CLSTN2: variants seen among roughly 807,000 people sequenced by gnomAD.
The protein encoded by CLSTN2 is calsyntenin 2.
Under a neutral mutation model 101.2 loss-of-function variants are expected in CLSTN2, and 48 were observed. The ratio of observed to expected loss-of-function variants is 0.47; its 90% CI spans 0.38 to 0.60. The LOEUF (loss-of-function observed/expected upper bound fraction) is 0.60. Ranked by LOEUF, CLSTN2 falls within the 20% of genes least tolerant of loss-of-function variation. The probability of loss-of-function intolerance (pLI) is 0.00; values close to 1 mark genes in which losing one functional copy is unlikely to be tolerated. For synonymous variants in CLSTN2, 481 were observed against 463.6 expected (o/e 1.04, Z -0.48); for missense variants, 1,160 against 1,238.2 (o/e 0.94, Z 0.95).
chr3:140,103,400 G>A (rs2009000478), intron 1 of CLSTN2, among the ~76,000 whole-genome samples: 1 of 152,170 alleles, frequency 6.6e-6, no homozygotes, highest in Non-Finnish European at 1.5e-5. Context: ...GAGGAGACAG[G>A]AAGCATTTTT....
At chr3:140,112,365 G>T (rs2350495) in intron 1 of CLSTN2, among the ~76,000 whole-genome samples, 34 of 73,102 alleles carry the variant, frequency 4.7e-4, no homozygotes, top group South Asian at 9.6e-4. Context: ...GTGTGTGTGT[G>T]TGTGTTTTTT....
chr3:140,366,848 A>T (rs1372240283), intron 2 of CLSTN2, among the ~76,000 whole-genome samples: 2 of 152,176 alleles, frequency 1.3e-5, no homozygotes, highest in African/African-American at 4.8e-5. Context: ...GCAACTAGGA[A>T]ATGTTGAAGA....
At chr3:140,549,326 G>A (rs922510743) in intron 10 of CLSTN2, among the ~76,000 whole-genome samples, 3 of 151,148 alleles carry the variant, frequency 2.0e-5, no homozygotes, top group Non-Finnish European at 2.9e-5. Context: ...CCTATGAAAA[G>A]AGGAGGTGCT....
At chr3:140,101,999 T>C (rs1172183130) in intron 1 of CLSTN2, among the ~76,000 whole-genome samples, 1 of 152,240 alleles carries the variant, frequency 6.6e-6, no homozygotes, top group Non-Finnish European at 1.5e-5. Context: ...AAGTCTTAAA[T>C]ATCTAGTGTC....
intron 6 of CLSTN2, 117 bp from the exon 7 acceptor site, chr3:140,459,404 T>G: frequency 8.6e-7 from 1 of 1,163,248 alleles, no homozygotes; most frequent in South Asian, 1.4e-5. Flanking sequence ...TAGCTCATGG[T>G]TAGGCACAGA....
chr3:140,238,505 T>TAG (rs1293329475), intron 2 of CLSTN2, among the ~76,000 whole-genome samples: 1 of 152,244 alleles, frequency 6.6e-6, no homozygotes, highest in Admixed American at 6.5e-5. Context: ...GTCTGAACCC[T>TAG]ATCCATTTTT....
Position 140,540,508 on chromosome 3 carries a change from A to G in CLSTN2, c.1508-6007A>G, listed in dbSNP as rs575214526. On this transcript the variant is annotated intron_variant, in intron 9 of 16. Coordinates refer to ENST00000458420, the MANE Select transcript of CLSTN2 (RefSeq NM_022131.3). ...ATCACTGAAATGAGGAAATGAGAGA[A>G]AGCGAGATTTCAGATGGTCTCGTTA... is the stretch of plus-strand genomic sequence containing the variant. Among the ~76,000 whole-genome samples, 6 of 152,342 alleles carry G rather than the reference A, an allele frequency of 3.9e-5. No individual in the cohort carries two copies. In the South Asian group the frequency reaches 1.2e-3, roughly 32 times the overall value.
At chr3:140,461,328 G>A (rs552575470) in intron 7 of CLSTN2, 1 of 152,282 alleles carries the variant, frequency 6.6e-6, no homozygotes, top group South Asian at 2.1e-4. Flanking sequence ...AGTGCCCTGT[G>A]AGGTATTCCC....
chr3:140,547,677 G>A (rs1209694708), intron 10 of CLSTN2, among the ~76,000 whole-genome samples: 1 of 152,126 alleles, frequency 6.6e-6, no homozygotes, highest in East Asian at 1.9e-4. Context: ...GGCCTCAGCA[G>A]GCACCCCAAC....
At position 140,571,481 on chromosome 3, in the gene CLSTN2, G is replaced by A. The variant is rs1985547218; in HGVS notation, c.*5228G>A. 6.6e-6 allele frequency: 1 copy of A among 152,222 alleles called. No individual in the cohort carries two copies. Among genetic ancestry groups the A allele is most frequent in the Non-Finnish European group, 1.5e-5 (1 of 68,034 alleles). The allele number at this position is 152,222 out of a possible 1,614,324, so 9.4% of individuals were successfully genotyped here. A position where few individuals can be genotyped will look rare whatever the true frequency, so the allele number is the denominator to read the frequency against. ...GTAGATGATTTTTAGGTAAGATAAC[G>A]TTTAGGCCTCTGGGGGATCCCCAAA... On this transcript the variant is annotated 3_prime_UTR_variant, in exon 17 of 17. Coordinates refer to ENST00000458420, the MANE Select transcript of CLSTN2 (RefSeq NM_022131.3).
At chr3:140,088,139 A>G (rs2008710611) in intron 1 of CLSTN2, among the ~76,000 whole-genome samples, 1 of 152,200 alleles carries the variant, frequency 6.6e-6, no homozygotes, top group Non-Finnish European at 1.5e-5. Context: ...CCCCCCTAAG[A>G]AAACCAGATG....
At chr3:140,201,731 A>T (rs1008020715) in intron 2 of CLSTN2, among the ~76,000 whole-genome samples, 4 of 152,176 alleles carry the variant, frequency 2.6e-5, no homozygotes, top group African/African-American at 9.7e-5. Flanking sequence ...TGAAGCTTAC[A>T]TCACAGCTGA....
chr3:140,434,446 G>A (rs541771226), intron 5 of CLSTN2, among the ~76,000 whole-genome samples: 36 of 152,222 alleles, frequency 2.4e-4, no homozygotes, highest in Non-Finnish European at 4.4e-4. Flanking sequence ...ATGAGCTGGA[G>A]CGGTGGTGAG....
chr3:140,017,888 C>G (rs1215040853), intron 1 of CLSTN2, among the ~76,000 whole-genome samples: 1 of 152,228 alleles, frequency 6.6e-6, no homozygotes, highest in Non-Finnish European at 1.5e-5. Flanking sequence ...GCTTTATTGT[C>G]TCATCCTGAA....
intron 1 of CLSTN2, among the ~76,000 whole-genome samples, chr3:140,092,816 A>G (rs1452131689): frequency 6.6e-6 from 1 of 151,730 alleles, no homozygotes; most frequent in Non-Finnish European, 1.5e-5. Flanking sequence ...AAGCTCCTCC[A>G]CTCCTTCCCT....
At chr3:140,117,430 A>T (rs2009263556) in intron 1 of CLSTN2, among the ~76,000 whole-genome samples, 1 of 152,164 alleles carries the variant, frequency 6.6e-6, no homozygotes. Flanking sequence ...CAGAGCTAAC[A>T]GTACCTCCCA....
At chr3:140,384,740 C>G (rs2088031961) in intron 2 of CLSTN2, among the ~76,000 whole-genome samples, 1 of 152,194 alleles carries the variant, frequency 6.6e-6, no homozygotes, top group African/African-American at 2.4e-5. Context: ...CCATATACTC[C>G]TGTAGTATTG....
intron 2 of CLSTN2, among the ~76,000 whole-genome samples, chr3:140,352,277 A>G (rs2087617017): frequency 6.6e-6 from 1 of 152,228 alleles, no homozygotes; most frequent in South Asian, 2.1e-4. Flanking sequence ...CGAATCCACA[A>G]ACATTTGTTG....
intron 2 of CLSTN2, among the ~76,000 whole-genome samples, chr3:140,199,382 C>T (rs549640833): frequency 6.6e-6 from 1 of 152,154 alleles, no homozygotes; most frequent in Non-Finnish European, 1.5e-5. Flanking sequence ...TAAACACATT[C>T]TTGGGCTTCA....
Sources: allele counts gnomAD v4.1 joint callset (sites outside exome capture counted in the v4.1 genomes callset), GRCh38; gene constraint gnomAD v4.1.1; transcripts MANE v1.5; gene names NCBI Gene and HGNC (gene_info 2026-07-23, HGNC 2026-07-21).